ZEB2: variants seen among roughly 807,000 people sequenced by gnomAD.
ZEB2 encodes zinc finger E-box binding homeobox 2.
A neutral mutation model predicts 99.9 loss-of-function variants in ZEB2; 6 were observed. The observed-to-expected ratio is 0.06, with a 90% CI of 0.03 to 0.12. ZEB2 has a LOEUF of 0.12. Among genes scored for constraint, ZEB2 ranks in the 10% least tolerant of loss-of-function variants. The pLI is 1.00. For synonymous variants in ZEB2, 517 were observed against 542.5 expected, an observed-to-expected ratio of 0.95 and a Z score of 0.65; for missense variants, 969 against 1,502.8, an observed-to-expected ratio of 0.64 and a Z score of 5.87.
At chr2:144,450,537 A>T (rs1387472712) in intron 2 of ZEB2, 5 of 152,214 alleles carry the variant, frequency 3.3e-5, no homozygotes, top group Non-Finnish European at 5.9e-5. Context: ...CCATTTATTA[A>T]TTCCAGGTAT....
At chr2:144,455,588 T>C (rs1049997214) in intron 2 of ZEB2, among the ~76,000 whole-genome samples, 1 of 152,236 alleles carries the variant, frequency 6.6e-6, no homozygotes, top group African/African-American at 2.4e-5. Context: ...TTATATTTTT[T>C]AGAAATGCTT....
chr2:144,400,442 G>T (rs1380006856), intron 7 of ZEB2, 172 bp from the exon 8 acceptor site: 3 of 727,780 alleles, frequency 4.1e-6, no homozygotes, highest in Non-Finnish European at 6.7e-6. Flanking sequence ...AACTTTATCT[G>T]CCCTGGGAGG....
chr2:144,494,941 A>T (rs911336037), intron 2 of ZEB2: 1 of 152,244 alleles, frequency 6.6e-6, no homozygotes, highest in Non-Finnish European at 1.5e-5. Context: ...AGAAAGAAAA[A>T]GCAAAAAGAA....
At chr2:144,517,563 C>T in intron 1 of ZEB2, 144 bp from the exon 2 acceptor site, 1 of 564,394 alleles carries the variant, frequency 1.8e-6, no homozygotes, top group Non-Finnish European at 3.2e-6. Flanking sequence ...CGGCCCCCTC[C>T]CCGCCCCCCA....
chr2:144,459,345 A>T (rs1399771806), intron 2 of ZEB2, among the ~76,000 whole-genome samples: 1 of 152,192 alleles, frequency 6.6e-6, no homozygotes, highest in Non-Finnish European at 1.5e-5. Flanking sequence ...GACAGAAGGA[A>T]CTACTAAAAT....
At chr2:144,513,764 C>T in intron 2 of ZEB2, 1 of 1,536,090 alleles carries the variant, frequency 6.5e-7, no homozygotes, top group South Asian at 1.2e-5. Context: ...AGCAGGGCAT[C>T]TCCCGCTCCG....
At chr2:144,466,153 G>A (rs996420047) in intron 2 of ZEB2, among the ~76,000 whole-genome samples, 4 of 152,102 alleles carry the variant, frequency 2.6e-5, no homozygotes, top group Admixed American at 6.6e-5. Context: ...CTTTATATAT[G>A]ACAACATGTC....
intron 2 of ZEB2, among the ~76,000 whole-genome samples, chr2:144,447,873 G>A (rs566130292): frequency 6.6e-6 from 1 of 152,296 alleles, no homozygotes; most frequent in South Asian, 2.1e-4. Flanking sequence ...TAGGTTCTGG[G>A]ATCAGGATGC....
At chr2:144,497,009 C>T (rs988415370) in intron 2 of ZEB2, 2 of 152,322 alleles carry the variant, frequency 1.3e-5, no homozygotes, top group Admixed American at 6.5e-5. Context: ...CAAGCCCATC[C>T]TCTTTGCTCA....
intron 4 of ZEB2, among the ~76,000 whole-genome samples, chr2:144,416,947 G>T (rs1703547627): frequency 6.6e-6 from 1 of 152,194 alleles, no homozygotes; most frequent in Admixed American, 6.5e-5. Flanking sequence ...TAATCCAGAT[G>T]ATATTATAAT....
At chr2:144,408,151 C>A (rs149185488) in intron 4 of ZEB2, among the ~76,000 whole-genome samples, 4 of 152,168 alleles carry the variant, frequency 2.6e-5, no homozygotes, top group Non-Finnish European at 4.4e-5. Context: ...TCAAATCATG[C>A]GCTCTCTTTA....
intron 2 of ZEB2, among the ~76,000 whole-genome samples, chr2:144,474,424 CCT>C: frequency 6.6e-6 from 1 of 152,296 alleles, no homozygotes. Context: ...CCCAAGTTTC[CCT>C]GTAGGTAAAG....
rs1703076119 is a variant in ZEB2, at chr2:144,385,898, T to C, written c.*3553A>G. 1 of 152,188 alleles carries C rather than the reference T, an allele frequency of 6.6e-6. No homozygotes were observed. Among genetic ancestry groups the C allele is most frequent in the South Asian group, 2.1e-4 (1 of 4,830 alleles). The allele number at this position is 152,188 out of a possible 1,614,324, so 9.4% of individuals were successfully genotyped here. A position where few individuals can be genotyped will look rare whatever the true frequency, so the allele number is the denominator to read the frequency against. ...ATATTTATTCAAATATAGTCCCTTC[T>C]TTCCCCTTTCCTCCAAGCCCTCCCA... On this transcript the variant is annotated 3_prime_UTR_variant, in exon 10 of 10. Transcript: ENST00000627532.
intron 1 of ZEB2, 47 bp from the exon 2 acceptor site, chr2:144,517,466 G>T: frequency 7.4e-7 from 1 of 1,352,018 alleles, no homozygotes; most frequent in Non-Finnish European, 1.0e-6. Flanking sequence ...CGCGCCCATT[G>T]AAACGCGCGC....
At chr2:144,480,188 C>T (rs1415157613) in intron 2 of ZEB2, among the ~76,000 whole-genome samples, 1 of 151,920 alleles carries the variant, frequency 6.6e-6, no homozygotes, top group Non-Finnish European at 1.5e-5. Context: ...ATTATGGCTC[C>T]CCATAAAAAC....
In ZEB2 at chr2:144,394,635, A is replaced by T. The variant is rs536050721; in HGVS notation, c.3067+1777T>A. 1.7e-4 allele frequency among the ~76,000 whole-genome samples: 26 copies of T among 152,376 alleles called. 2 individuals carry two copies. The South Asian group carries it at 5.0e-3, about 29-fold the overall frequency. On this transcript the variant is annotated intron_variant, in intron 9 of 9. Coordinates refer to ENST00000627532, the MANE Select transcript of ZEB2 (RefSeq NM_014795.4). ...CTAAAAGAAAATTTTGATGTTTCAA[A>T]CATTGAATTATATAACACAAGTATA... is the stretch of plus-strand genomic sequence containing the variant.
chr2:144,479,868 G>A (rs1309799234), intron 2 of ZEB2, among the ~76,000 whole-genome samples: 1 of 152,062 alleles, frequency 6.6e-6, no homozygotes, highest in Non-Finnish European at 1.5e-5. Context: ...AGTTTCAGGT[G>A]AGCTGATTTC....
chr2:144,438,334 T>C lies in ZEB2; in HGVS notation c.74-8308A>G, dbSNP rs868269921. Among the ~76,000 whole-genome samples, 6 of 152,256 alleles carry C rather than the reference T, an allele frequency of 3.9e-5. No homozygotes were observed. In the South Asian group the frequency reaches 1.2e-3, roughly 32 times the overall value. ...AGCTGAAATAATGGGAAAGAACAGC[T>C]CTTCCAGAGGAAAACAATTACCTTC... is the stretch of plus-strand genomic sequence containing the variant. On this transcript the variant is annotated intron_variant, in intron 2 of 9. Transcript: ENST00000627532.
intron 4 of ZEB2, among the ~76,000 whole-genome samples, chr2:144,416,000 C>A (rs1174483840): frequency 1.3e-5 from 2 of 152,340 alleles, no homozygotes; most frequent in East Asian, 1.9e-4. Flanking sequence ...CCATGCAGAA[C>A]CTGGCTTCAC....
Sources: allele counts gnomAD v4.1 joint callset (sites outside exome capture counted in the v4.1 genomes callset), GRCh38; gene constraint gnomAD v4.1.1; transcripts MANE v1.5; gene names NCBI Gene and HGNC (gene_info 2026-07-23, HGNC 2026-07-21).